ADGRL2: variants seen among roughly 807,000 people sequenced by gnomAD.
The protein encoded by ADGRL2 is adhesion G protein-coupled receptor L2.
A neutral mutation model predicts 157.4 loss-of-function variants in ADGRL2; 44 were observed. The ratio of observed to expected loss-of-function variants is 0.28; its 90% confidence interval spans 0.22 to 0.36. ADGRL2 has a LOEUF of 0.36. Among genes scored for constraint, ADGRL2 ranks in the 10% least tolerant of loss-of-function variants. The pLI, the probability that ADGRL2 is intolerant of heterozygous loss-of-function variation, is 1.00. For synonymous variants in ADGRL2, 585 were observed against 624.7 expected (o/e 0.94, Z 0.95); for missense variants, 1,510 against 1,768.9 (o/e 0.85, Z 2.63).
chr1:81,716,878 A>G (rs1321694514), intron 1 of ADGRL2, among the ~76,000 whole-genome samples: 1 of 152,200 alleles, frequency 6.6e-6, no homozygotes, highest in Non-Finnish European at 1.5e-5. Flanking sequence ...ATGCAACTCC[A>G]CTGTATTCCA....
chr1:81,945,541 A>G (rs2148988364), intron 6 of ADGRL2, among the ~76,000 whole-genome samples: 1 of 152,286 alleles, frequency 6.6e-6, no homozygotes, highest in African/African-American at 2.4e-5. Context: ...TACTTGCCAC[A>G]AAGTACTTCA....
At chr1:81,340,859 A>G (rs1350004186) in intron 1 of ADGRL2, among the ~76,000 whole-genome samples, 2 of 151,828 alleles carry the variant, frequency 1.3e-5, no homozygotes, top group Non-Finnish European at 2.9e-5. Context: ...AGTCACTCAG[A>G]CATTCTCTCA....
At chr1:81,796,486 A>G (rs1452553919), upstream of ADGRL2, among the ~76,000 whole-genome samples, 1 of 152,238 alleles carries the variant, frequency 6.6e-6, no homozygotes, top group Non-Finnish European at 1.5e-5. Context: ...GCAGAGATTA[A>G]TGAGAGTTAT....
intron 1 of ADGRL2, among the ~76,000 whole-genome samples, chr1:81,736,780 T>G (rs919867980): frequency 4.6e-5 from 7 of 152,166 alleles, no homozygotes; most frequent in Non-Finnish European, 8.8e-5. Flanking sequence ...ATGAGTATTC[T>G]TATCCCATCT....
chr1:81,353,490 C>T (rs138159122), intron 1 of ADGRL2, among the ~76,000 whole-genome samples: 227 of 152,208 alleles, frequency 1.5e-3, no homozygotes, highest in African/African-American at 5.3e-3. Context: ...AGGGGCTCCA[C>T]TACGGCTGCA....
chr1:81,535,480 T>C (rs2079713276), intron 2 of ADGRL2, among the ~76,000 whole-genome samples: 1 of 152,128 alleles, frequency 6.6e-6, no homozygotes, highest in Admixed American at 6.6e-5. Flanking sequence ...CTCTGAATGG[T>C]AAAGGTTTAT....
At chr1:81,935,252 AC>A (rs1371638023) in intron 3 of ADGRL2, among the ~76,000 whole-genome samples, 1 of 151,972 alleles carries the variant, frequency 6.6e-6, no homozygotes, top group Non-Finnish European at 1.5e-5. Flanking sequence ...GAAGATTGTG[AC>A]ACTATACCAT....
intron 17 of ADGRL2, among the ~76,000 whole-genome samples, chr1:81,976,256 C>G (rs969402517): frequency 7.9e-5 from 12 of 151,884 alleles, no homozygotes; most frequent in African/African-American, 2.9e-4. Flanking sequence ...ATTTTGCCAT[C>G]TTACGATTTA....
intron 3 of ADGRL2, among the ~76,000 whole-genome samples, chr1:81,634,797 C>T (rs1390384496): frequency 2.6e-5 from 4 of 152,138 alleles, no homozygotes; most frequent in Non-Finnish European, 5.9e-5. Flanking sequence ...GCTGGGATTA[C>T]AAGCATGAGC....
chr1:81,961,180 G>GA (rs1655245788), intron 11 of ADGRL2, among the ~76,000 whole-genome samples: 1 of 152,150 alleles, frequency 6.6e-6, no homozygotes. Context: ...TTCATGTTCA[G>GA]AAAATCTATT....
At chr1:81,420,998 A>G (rs565886683) in intron 1 of ADGRL2, among the ~76,000 whole-genome samples, 229 of 152,342 alleles carry the variant, frequency 1.5e-3, no homozygotes, top group Non-Finnish European at 2.5e-3. Context: ...CAGAAGGGCC[A>G]AGACTGAAAC....
At chr1:81,520,612 T>G (rs943711392) in intron 2 of ADGRL2, among the ~76,000 whole-genome samples, 1 of 152,158 alleles carries the variant, frequency 6.6e-6, no homozygotes, top group East Asian at 1.9e-4. Flanking sequence ...TATAAGTGTT[T>G]GACAGTTCCT....
intron 1 of ADGRL2, among the ~76,000 whole-genome samples, chr1:81,336,406 C>T (rs191279372): frequency 2.0e-5 from 3 of 151,932 alleles, no homozygotes; most frequent in Admixed American, 6.6e-5. Context: ...AAATATTAGC[C>T]AGGTACAGAA....
intron 3 of ADGRL2, among the ~76,000 whole-genome samples, chr1:81,643,816 A>G (rs755101092): frequency 6.6e-6 from 1 of 152,232 alleles, no homozygotes; most frequent in African/African-American, 2.4e-5. Flanking sequence ...CCAAGATGTC[A>G]GTTCTTCCCA....
At chr1:81,349,643 CA>C (rs1662735498) in intron 1 of ADGRL2, among the ~76,000 whole-genome samples, 1 of 147,780 alleles carries the variant, frequency 6.8e-6, no homozygotes, top group Non-Finnish European at 1.5e-5. Flanking sequence ...CACACACACA[CA>C]CACACACACA....
At chr1:81,987,474 A>G (rs1357772031) in intron 22 of ADGRL2, 1 of 760,264 alleles carries the variant, frequency 1.3e-6, no homozygotes, top group South Asian at 1.4e-5. Flanking sequence ...CTATCAATAT[A>G]TCCAAACTAT....
chr1:81,950,096 G>A (rs1257968755), intron 6 of ADGRL2, 93 bp from the exon 7 acceptor site: 3 of 964,852 alleles, frequency 3.1e-6, no homozygotes, highest in Non-Finnish European at 4.8e-6. Flanking sequence ...AGGGTTTTGT[G>A]TGTGTGTGTG....
chr1:81,465,955 T>G (rs2078043327), intron 2 of ADGRL2, among the ~76,000 whole-genome samples: 1 of 152,148 alleles, frequency 6.6e-6, no homozygotes, highest in South Asian at 2.1e-4. Flanking sequence ...AACAGAGCAA[T>G]TATTTCAAAA....
intron 3 of ADGRL2, among the ~76,000 whole-genome samples, chr1:81,595,436 G>A (rs2081212654): frequency 1.3e-5 from 2 of 152,180 alleles, no homozygotes; most frequent in African/African-American, 4.8e-5. Context: ...TGACTGTAAT[G>A]ACAGACTTCT....
Sources: gnomAD v4.1 joint callset for allele counts (sites outside exome capture counted in the v4.1 genomes callset) on GRCh38, gnomAD v4.1.1 for gene constraint, MANE v1.5 for transcripts, NCBI Gene and HGNC (gene_info 2026-07-23, HGNC 2026-07-21) for gene names.